Variants in CFAP54 observed in about 807,000 individuals in gnomAD.
CFAP54 encodes cilia- and flagella-associated protein 54.
CFAP54 carries 290 observed loss-of-function variants against 370.4 expected under a neutral mutation model. The ratio of observed to expected loss-of-function variants is 0.78; its 90% CI spans 0.71 to 0.86. CFAP54 has a LOEUF of 0.86. CFAP54 is among the 40% of genes least tolerant of loss of function. The pLI, the probability that CFAP54 is intolerant of heterozygous loss-of-function variation, is 0.00. For synonymous variants in CFAP54, 1,206 were observed against 1,236.5 expected, an observed-to-expected ratio of 0.98 and a Z score of 0.52; for missense variants, 3,399 against 3,528.7, an observed-to-expected ratio of 0.96 and a Z score of 0.93.
chr12:96,708,938 A>G, intron 48 of CFAP54, 135 bp downstream of exon 48: 1 of 676,862 alleles, frequency 1.5e-6, no homozygotes, highest in Non-Finnish European at 2.5e-6. Flanking sequence ...AATGACACAC[A>G]TATGTACTTA....
At chr12:96,499,997 G>A (rs2368101) in intron 1 of CFAP54, among the ~76,000 whole-genome samples, 87,729 of 151,902 alleles carry the variant, frequency 0.58, 26,286 homozygotes, top group East Asian at 0.74. Flanking sequence ...AAAACCGTGC[G>A]CATCAGTATT....
chr12:96,874,612 C>CCTTTT (rs1960247988), intron 67 of CFAP54, among the ~76,000 whole-genome samples: 3 of 40,058 alleles, frequency 7.5e-5, no homozygotes, highest in African/African-American at 2.9e-4. Context: ...GGGATCTCTG[C>CCTTTT]TTTTTTTTAT....
intron 55 of CFAP54, 94 bp downstream of exon 55, chr12:96,744,240 G>T: frequency 8.9e-7 from 1 of 1,120,642 alleles, no homozygotes; most frequent in Non-Finnish European, 1.3e-6. Flanking sequence ...ATTTAAAAGA[G>T]GCAATATTTA....
intron 19 of CFAP54, among the ~76,000 whole-genome samples, chr12:96,569,002 A>G (rs1042926265): frequency 6.6e-6 from 1 of 151,046 alleles, no homozygotes; most frequent in Non-Finnish European, 1.5e-5. Context: ...ATATTATTCC[A>G]TAGGATTATA....
intron 7 of CFAP54, 24 bp from the exon 8 acceptor site, chr12:96,522,064 G>A (rs1417277320): frequency 6.5e-7 from 1 of 1,530,588 alleles, no homozygotes; most frequent in East Asian, 2.4e-5. Flanking sequence ...GTTATTTCAT[G>A]TATAATTCTG....
chr12:96,702,976 C>T (rs1271916232), intron 46 of CFAP54, among the ~76,000 whole-genome samples: 1 of 151,926 alleles, frequency 6.6e-6, no homozygotes, highest in Non-Finnish European at 1.5e-5. Context: ...TCTAAAGTCC[C>T]ATTATTAAAC....
chr12:96,526,885 GTTTTTTT>G (rs34080505), intron 8 of CFAP54, among the ~76,000 whole-genome samples: 1 of 97,688 alleles, frequency 1.0e-5, no homozygotes, highest in Non-Finnish European at 2.0e-5. Context: ...CTTATAACAG[GTTTTTTT>G]TTTTTTTTTT....
At chr12:96,788,771 G>C (rs1000228536) in intron 62 of CFAP54, among the ~76,000 whole-genome samples, 9 of 152,034 alleles carry the variant, frequency 5.9e-5, no homozygotes, top group Admixed American at 5.9e-4. Flanking sequence ...AACCTATTAA[G>C]ATATTTTTAA....
chr12:96,753,377 T>C (rs768384239), intron 55 of CFAP54, among the ~76,000 whole-genome samples: 29 of 152,184 alleles, frequency 1.9e-4, no homozygotes, highest in Middle Eastern at 3.2e-3. Context: ...GCAAATTTTA[T>C]TGGGAACAAC....
intron 63 of CFAP54, among the ~76,000 whole-genome samples, chr12:96,809,040 C>A (rs1212564798): frequency 1.3e-5 from 2 of 152,174 alleles, no homozygotes; most frequent in African/African-American, 4.8e-5. Context: ...ATTCCACTTG[C>A]AATCTTGCAT....
chr12:96,613,569 T>A lies in CFAP54; in HGVS notation c.3640-8021T>A, dbSNP rs1277116346. 7.2e-5 allele frequency among the ~76,000 whole-genome samples: 11 copies of A among 152,134 alleles called. No homozygotes were observed. The East Asian group carries it at 2.1e-3, about 29-fold the overall frequency. The stretch of plus-strand genomic sequence containing the variant: ...ACACAAAAAACCTTCAAAAAATCAA[T>A]GAATCCAGGAGCTGGTTTTTTGAAA... On this transcript the variant is annotated intron_variant, in intron 26 of 67. Coordinates refer to ENST00000524981, the MANE Select transcript of CFAP54 (RefSeq NM_001306084.2).
At chr12:96,543,272 C>T (rs1378158013) in intron 14 of CFAP54, among the ~76,000 whole-genome samples, 1 of 152,142 alleles carries the variant, frequency 6.6e-6, no homozygotes, top group Non-Finnish European at 1.5e-5. Flanking sequence ...GGACCTTATC[C>T]AGGGAAGCAC....
intron 67 of CFAP54, among the ~76,000 whole-genome samples, chr12:96,868,415 T>C (rs369115027): frequency 1.3e-5 from 2 of 149,490 alleles, no homozygotes; most frequent in Non-Finnish European, 1.5e-5. Context: ...CTCAATTTTT[T>C]ACTTGTATGT....
At chr12:96,760,293 T>C (rs1048777482) in intron 58 of CFAP54, among the ~76,000 whole-genome samples, 10 of 152,088 alleles carry the variant, frequency 6.6e-5, no homozygotes, top group African/African-American at 2.4e-4. Flanking sequence ...GAGGTATAAT[T>C]TCCATCCATG....
intron 12 of CFAP54, 95 bp downstream of exon 12, chr12:96,535,695 T>G (rs566153931): frequency 4.3e-4 from 303 of 710,166 alleles, no homozygotes; most frequent in Non-Finnish European, 6.1e-4. Context: ...GAATTACGCC[T>G]TGCTAAAATT....
At chr12:96,620,001 A>G (rs1006803236) in intron 26 of CFAP54, among the ~76,000 whole-genome samples, 1 of 152,198 alleles carries the variant, frequency 6.6e-6, no homozygotes, top group Non-Finnish European at 1.5e-5. Context: ...ATATAAAATA[A>G]GTAAACAAAT....
At chr12:96,493,904 G>A (rs1954917281) in intron 1 of CFAP54, among the ~76,000 whole-genome samples, 1 of 152,184 alleles carries the variant, frequency 6.6e-6, no homozygotes, top group Admixed American at 6.5e-5. Flanking sequence ...AAGAGAAGAG[G>A]TTATGGAGTG....
chr12:96,754,118 T>G (rs1565965932), intron 56 of CFAP54, among the ~76,000 whole-genome samples: 1 of 152,224 alleles, frequency 6.6e-6, no homozygotes, highest in Non-Finnish European at 1.5e-5. Context: ...CTGCTTCATT[T>G]CTTTTATAAT....
chr12:96,594,188 T>C, intron 24 of CFAP54, 103 bp from the exon 25 acceptor site: 1 of 783,510 alleles, frequency 1.3e-6, no homozygotes, highest in Non-Finnish European at 1.9e-6. Flanking sequence ...AACACTCATG[T>C]TGTTTTTAGC....
Sources: allele counts gnomAD v4.1 joint callset (sites outside exome capture counted in the v4.1 genomes callset), GRCh38; gene constraint gnomAD v4.1.1; transcripts MANE v1.5; gene names NCBI Gene and HGNC (gene_info 2026-07-23, HGNC 2026-07-21).